The following LSS variants were observed in gnomAD, a reference collection of about 807,000 sequenced individuals.
LSS encodes lanosterol synthase.
A neutral mutation model predicts 110.3 loss-of-function variants in LSS; 90 were observed. That is an observed-to-expected ratio of 0.82 (90% confidence interval 0.69 to 0.97). The LOEUF (loss-of-function observed/expected upper bound fraction) is 0.97. LSS is among the 50% of genes least tolerant of loss of function. LSS has a pLI of 0.00. For synonymous variants in LSS, 433 were observed against 400.0 expected (o/e 1.08, Z -0.98); for missense variants, 927 against 990.0 (o/e 0.94, Z 0.85).
intron 17 of LSS, among the ~76,000 whole-genome samples, chr21:46,201,521 G>A (rs2079977800): frequency 2.3e-5 from 3 of 131,094 alleles, no homozygotes; most frequent in African/African-American, 8.8e-5. Context: ...GGTAGAGCCT[G>A]GATCATGTGG....
At chr21:46,214,533 C>T (rs1469842463) in intron 9 of LSS, among the ~76,000 whole-genome samples, 1 of 152,202 alleles carries the variant, frequency 6.6e-6, no homozygotes, top group African/African-American at 2.4e-5. Context: ...TGGGTATGTC[C>T]AGAGAATGCC....
At chr21:46,215,880 C>T (rs1006420538) in intron 7 of LSS, 87 bp from the exon 8 acceptor site, 8 of 842,098 alleles carry the variant, frequency 9.5e-6, no homozygotes, top group South Asian at 8.4e-5. Flanking sequence ...CCACCATCCG[C>T]CCTCAGGGCC....
chr21:46,218,373 C>G (rs1346709778), intron 6 of LSS, among the ~76,000 whole-genome samples: 3 of 152,070 alleles, frequency 2.0e-5, no homozygotes, highest in Admixed American at 2.0e-4. Flanking sequence ...TCATGGCTCC[C>G]AGCACTTTGG....
intron 14 of LSS, 32 bp downstream of exon 14, chr21:46,208,219 A>T: frequency 6.5e-7 from 1 of 1,549,542 alleles, no homozygotes; most frequent in Non-Finnish European, 8.7e-7. Context: ...CCCCTGGGGG[A>T]CGGGACAGGG....
In LSS at chr21:46,210,762, T is replaced by C. The variant is rs1378317786; in HGVS notation, c.1138-18A>G. 6 of 1,613,014 alleles carry C rather than the reference T, an allele frequency of 3.7e-6. No homozygotes were observed. Among genetic ancestry groups the C allele is most frequent in the Non-Finnish European group, 5.1e-6 (6 of 1,179,436 alleles). ...TTGGTGCCCTACACACAAAGGATGG[T>C]GTTACAGCAGCAGATGCAGCCCCTC... On this transcript the variant is annotated intron_variant, in intron 11 of 21. Coordinates refer to ENST00000397728, the MANE Select transcript of LSS (RefSeq NM_002340.6).
intron 19 of LSS, among the ~76,000 whole-genome samples, chr21:46,194,915 C>T (rs748845446): frequency 8.5e-5 from 13 of 152,244 alleles, no homozygotes; most frequent in South Asian, 2.1e-4. Context: ...CTCACGGACG[C>T]GTCAGGCTGA....
In LSS at chr21:46,209,688, G is replaced by A; in HGVS notation, c.1195-63C>T. ...TTGCACGGCCAGCATGGCTGCGCTG[G>A]TTTCCCGATGGTCCTGGCCACATCC... On this transcript the variant is annotated intron_variant, in intron 12 of 21. Transcript: ENST00000397728. The surrounding 1 kb of genome is among the most constrained non-coding windows in gnomAD (Gnocchi z 4.4). The A allele has an allele frequency of 5.6e-6, 8 of 1,440,818 alleles. No individual in the cohort carries two copies. The highest frequency in any genetic ancestry group is 5.8e-6 in the Non-Finnish European group (6 of 1,041,778). The allele number at this position is 1,440,818 out of a possible 1,614,324, so 89.3% of individuals were successfully genotyped here.
At chr21:46,213,915 A>T in intron 9 of LSS, 80 bp from the exon 10 acceptor site, 1 of 964,876 alleles carries the variant, frequency 1.0e-6, no homozygotes. Context: ...CCAGATCCAC[A>T]GCAGCCCCCA....
intron 6 of LSS, 62 bp downstream of exon 6, chr21:46,219,414 C>T: frequency 1.6e-6 from 2 of 1,278,228 alleles, no homozygotes; most frequent in Non-Finnish European, 1.1e-6. Context: ...CCCACGGTCC[C>T]TGTCACTCTA....
rs192904051 is a variant in LSS, at chr21:46,219,724, C to T, written c.551-152G>A. 88 of 503,992 alleles carry T rather than the reference C, an allele frequency of 1.7e-4. No homozygotes were observed. The East Asian group carries it at 2.6e-3, about 15-fold the overall frequency. 31.2% of individuals were successfully genotyped at this position (503,992 alleles called of 1,614,324 possible). A position where few individuals can be genotyped will look rare whatever the true frequency, so the allele number is the denominator to read the frequency against. On this transcript the variant is annotated intron_variant, in intron 5 of 21. Transcript: ENST00000397728. ...ATGTGGATCTTGCGACCCCCATGTG[C>T]GAAGCAGGTTCCAGAGTGCTGAGAA...
rs893115399 is a variant in LSS, at chr21:46,228,759, C to T, written c.-14G>A. 3 of 1,590,358 alleles carry T rather than the reference C, an allele frequency of 1.9e-6. No homozygotes were observed. Among genetic ancestry groups the T allele is most frequent in the African/African-American group, 2.7e-5 (2 of 73,766 alleles). ...GCCCTCCGTCATTGCTGCTGCAGTG[C>T]TCTACGCCGCCCACTGCCAGCTGCC... On this transcript the variant is annotated 5_prime_UTR_variant, in exon 1 of 22. Coordinates refer to ENST00000397728, the MANE Select transcript of LSS (RefSeq NM_002340.6).
chr21:46,199,623 A>AATGT (rs1984249338), intron 17 of LSS, among the ~76,000 whole-genome samples: 2 of 152,248 alleles, frequency 1.3e-5, no homozygotes, highest in Admixed American at 1.3e-4. Context: ...TAGGTGAATG[A>AATGT]ATAAACTGTG....
At chr21:46,225,705 G>GTCTC (rs984084469) in intron 3 of LSS, among the ~76,000 whole-genome samples, 1 of 151,026 alleles carries the variant, frequency 6.6e-6, no homozygotes, top group East Asian at 1.9e-4. Context: ...GGCATAAGCT[G>GTCTC]TCTCTCTCTC....
intron 4 of LSS, chr21:46,222,378 A>G (rs1408120004): frequency 1.8e-6 from 1 of 558,052 alleles, no homozygotes; most frequent in African/African-American, 1.9e-5. Flanking sequence ...TAACAGACTG[A>G]CAGTTTTCAC....
In LSS at chr21:46,222,508, C is replaced by G. The variant is rs554520013; in HGVS notation, c.428+122G>C. Reference sequence around the variant, plus strand: ...CGCCTGCTAGTCTCTCCCTCACCCACCCCACACCCACAGCTGCAATCACTC... The same window carrying G: ...CGCCTGCTAGTCTCTCCCTCACCCAGCCCACACCCACAGCTGCAATCACTC... On this transcript the variant is annotated intron_variant, in intron 4 of 21. Coordinates refer to ENST00000397728, the MANE Select transcript of LSS (RefSeq NM_002340.6). 115 of 817,134 alleles carry G rather than the reference C, an allele frequency of 1.4e-4. 2 individuals carry two copies. The South Asian group carries it at 1.7e-3, about 12-fold the overall frequency. 50.6% of individuals were successfully genotyped at this position (817,134 alleles called of 1,614,324 possible).
chr21:46,226,406 A>G (rs534453572), intron 3 of LSS, among the ~76,000 whole-genome samples: 1 of 152,326 alleles, frequency 6.6e-6, no homozygotes, highest in Admixed American at 6.5e-5. Flanking sequence ...CAGTCTAAAC[A>G]GGCCCTGATG....
At position 46,216,388 on chromosome 21, in the gene LSS, C is replaced by T. The variant is rs2080207136; in HGVS notation, c.783+1G>A. On this transcript the variant is annotated splice_donor_variant, in intron 7 of 21. Coordinates refer to ENST00000397728, the MANE Select transcript of LSS (RefSeq NM_002340.6). LOFTEE classifies it high-confidence loss of function. This position sits in a 1 kb window ranked among gnomAD's most constrained non-coding sequence, Gnocchi z 4.2. ...CACTTTGTTCCCTGATGAGGTCCTA[C>T]CTGGCGGAGGCTCTGGACCAGCGGG... is the stretch of plus-strand genomic sequence containing the variant. The T allele has an allele frequency of 5.6e-6, 9 of 1,613,766 alleles. No homozygotes were observed. The highest frequency in any genetic ancestry group is 7.6e-6 in the Non-Finnish European group (9 of 1,180,014).
intron 11 of LSS, among the ~76,000 whole-genome samples, chr21:46,212,203 TG>T (rs1256550676): frequency 1.1e-4 from 17 of 152,160 alleles, no homozygotes; most frequent in African/African-American, 4.1e-4. Flanking sequence ...CAAGGCCAGC[TG>T]GGTAAAAGCT....
Position 46,209,654 on chromosome 21 carries a change from C to G in LSS, c.1195-29G>C. The G allele has an allele frequency of 1.3e-6, 2 of 1,595,880 alleles. No homozygotes were observed. The highest frequency in any genetic ancestry group is 1.7e-6 in the Non-Finnish European group (2 of 1,169,814). ...GAAGAGACAGCAGGACAGAGAGGCT[C>G]AGCTGCCCTTGCACGGCCAGCATGG... On this transcript the variant is annotated intron_variant, in intron 12 of 21. Transcript: ENST00000397728. The surrounding 1 kb of genome is among the most constrained non-coding windows in gnomAD (Gnocchi z 4.4).
Sources: allele counts gnomAD v4.1 joint callset (sites outside exome capture counted in the v4.1 genomes callset), GRCh38; gene constraint gnomAD v4.1.1; non-coding constraint Gnocchi (gnomAD v3.1); transcripts MANE v1.5; gene names NCBI Gene and HGNC (gene_info 2026-07-23, HGNC 2026-07-21).